The following RAB2A variants were observed in gnomAD, a reference collection of about 807,000 sequenced individuals.
The protein encoded by RAB2A is RAB2A, member RAS oncogene family, also known as ras-related protein Rab-2A.
Under a neutral mutation model 32.5 loss-of-function variants are expected in RAB2A, and 7 were observed. The ratio of observed to expected loss-of-function variants is 0.22; its 90% CI spans 0.12 to 0.40. The LOEUF (loss-of-function observed/expected upper bound fraction) is 0.40, where lower values mean the gene tolerates loss of function less well. Among genes scored for constraint, RAB2A ranks in the 10% least tolerant of loss-of-function variants. The pLI is 1.00. For synonymous variants in RAB2A, 79 were observed against 85.2 expected (o/e 0.93, Z 0.40); for missense variants, 108 against 260.7 (o/e 0.41, Z 4.03).
At chr8:60,517,746 T>G (rs929932801) in intron 1 of RAB2A, among the ~76,000 whole-genome samples, 9 of 152,118 alleles carry the variant, frequency 5.9e-5, no homozygotes, top group Admixed American at 5.9e-4. Flanking sequence ...CTTTTTGGCG[T>G]GGGACAGGCA....
chr8:60,531,595 G>T (rs1263639473), intron 1 of RAB2A, among the ~76,000 whole-genome samples: 2 of 152,100 alleles, frequency 1.3e-5, no homozygotes, highest in Non-Finnish European at 2.9e-5. Context: ...ATAGAAAAAA[G>T]CTGTTCACTG....
chr8:60,532,433 C>G (rs549878559), intron 1 of RAB2A, among the ~76,000 whole-genome samples: 2 of 152,254 alleles, frequency 1.3e-5, no homozygotes, highest in South Asian at 4.2e-4. Flanking sequence ...CACCAGTCCT[C>G]TATGTAAAGG....
rs759121999 is a variant in RAB2A, at chr8:60,591,833, G to A, written c.363-25G>A. ...TGTTTGTACCATGTTGATTAGTAATGTGACCCTTTCTTTCCCATGTTTAGT... is the reference window on the plus strand; with the variant it reads ...TGTTTGTACCATGTTGATTAGTAATATGACCCTTTCTTTCCCATGTTTAGT... On this transcript the variant is annotated intron_variant, in intron 5 of 7. Transcript: ENST00000262646. 5.6e-6 allele frequency: 8 copies of A among 1,439,010 alleles called. No individual in the cohort carries two copies. In the South Asian group the frequency reaches 9.2e-5, roughly 17 times the overall value. The allele number at this position is 1,439,010 out of a possible 1,614,324, so 89.1% of individuals were successfully genotyped here.
intron 5 of RAB2A, 156 bp from the exon 6 acceptor site, chr8:60,591,702 C>T (rs552403339): frequency 4.5e-4 from 230 of 515,912 alleles, no homozygotes; most frequent in African/African-American, 3.7e-3. Context: ...GTTCTAAATA[C>T]TAACCCTCAT....
rs543051805 is a variant in RAB2A, at chr8:60,595,038, A to C, written c.474+3069A>C. Among the ~76,000 whole-genome samples the C allele has an allele frequency of 4.6e-5, 7 of 152,368 alleles. No individual in the cohort carries two copies. The South Asian group carries it at 1.4e-3, about 32-fold the overall frequency. ...AAAAAAGAATTAGCAATGAAGGTGC[A>C]ATCAAGACATTCTTAGAGAAGGAAA... On this transcript the variant is annotated intron_variant, in intron 6 of 7. Coordinates refer to ENST00000262646, the MANE Select transcript of RAB2A (RefSeq NM_002865.3).
intron 1 of RAB2A, chr8:60,552,543 A>G (rs915817653): frequency 6.6e-6 from 1 of 152,218 alleles, no homozygotes; most frequent in Non-Finnish European, 1.5e-5. Flanking sequence ...CTAAACAGAT[A>G]CTCAGATGTT....
At chr8:60,526,057 A>ATATATATATATATATATATAT (rs57164591) in intron 1 of RAB2A, among the ~76,000 whole-genome samples, 6 of 93,798 alleles carry the variant, frequency 6.4e-5, no homozygotes, top group Non-Finnish European at 8.9e-5. Flanking sequence ...ATATATATAT[A>ATATATATATATATATATATAT]AGTTTTCTGT....
chr8:60,563,445 G>A (rs1343822109), intron 2 of RAB2A, among the ~76,000 whole-genome samples: 3 of 152,156 alleles, frequency 2.0e-5, no homozygotes, highest in African/African-American at 7.2e-5. Context: ...GGATCGCCAA[G>A]TGATTCATAT....
chr8:60,540,229 C>T (rs1464996736), intron 1 of RAB2A, among the ~76,000 whole-genome samples: 3 of 150,084 alleles, frequency 2.0e-5, no homozygotes, highest in Non-Finnish European at 3.0e-5. Context: ...TGCAGTCATA[C>T]GTAGAATAGA....
In RAB2A at chr8:60,599,460, G is replaced by A. The variant is rs1413972455; in HGVS notation, c.474+7491G>A. Among the ~76,000 whole-genome samples the A allele has an allele frequency of 3.3e-5, 5 of 152,236 alleles. No homozygotes were observed. The East Asian group carries it at 9.6e-4, about 29-fold the overall frequency. ...ATTATAAAATATATATGGAAAGGCAGAAGAACTAAAGTAGCTGACACAGCT... is the reference window on the plus strand; with the variant it reads ...ATTATAAAATATATATGGAAAGGCAAAAGAACTAAAGTAGCTGACACAGCT... On this transcript the variant is annotated intron_variant, in intron 6 of 7. Transcript: ENST00000262646.
At chr8:60,578,864 G>A (rs1169272365) in intron 3 of RAB2A, among the ~76,000 whole-genome samples, 1 of 152,150 alleles carries the variant, frequency 6.6e-6, no homozygotes, top group Non-Finnish European at 1.5e-5. Context: ...GATCAATTTT[G>A]ATTTAGCAAT....
chr8:60,539,334 G>A (rs1586068922), intron 1 of RAB2A, among the ~76,000 whole-genome samples: 1 of 152,142 alleles, frequency 6.6e-6, no homozygotes, highest in Non-Finnish European at 1.5e-5. Context: ...ACTGGGAAAG[G>A]AAAAAGAAGT....
At chr8:60,536,275 A>G (rs1356556239) in intron 1 of RAB2A, among the ~76,000 whole-genome samples, 1 of 151,754 alleles carries the variant, frequency 6.6e-6, no homozygotes, top group African/African-American at 2.4e-5. Flanking sequence ...TGTTACTGTT[A>G]ATACATTATT....
intron 6 of RAB2A, among the ~76,000 whole-genome samples, chr8:60,596,071 G>A (rs1282941402): frequency 6.6e-6 from 1 of 152,158 alleles, no homozygotes; most frequent in East Asian, 1.9e-4. Flanking sequence ...AGTGTTACGA[G>A]AGGGAAATGT....
At chr8:60,567,453 G>A (rs1808132749) in intron 2 of RAB2A, among the ~76,000 whole-genome samples, 1 of 152,072 alleles carries the variant, frequency 6.6e-6, no homozygotes, top group Admixed American at 6.6e-5. Context: ...ATACCAATTG[G>A]TGTTCTTTCT....
At chr8:60,532,095 G>A (rs118012477) in intron 1 of RAB2A, among the ~76,000 whole-genome samples, 16 of 152,158 alleles carry the variant, frequency 1.1e-4, no homozygotes, top group Non-Finnish European at 2.1e-4. Context: ...ATGAGCCACC[G>A]TGCCCAGCCT....
intron 1 of RAB2A, among the ~76,000 whole-genome samples, chr8:60,546,563 T>C (rs771748958): frequency 2.0e-5 from 3 of 152,242 alleles, no homozygotes; most frequent in Non-Finnish European, 2.9e-5. Flanking sequence ...TAGAGGAAAC[T>C]TCAAGTGAAG....
chr8:60,565,094 T>C (rs959788853), intron 2 of RAB2A, among the ~76,000 whole-genome samples: 1 of 152,216 alleles, frequency 6.6e-6, no homozygotes, highest in Admixed American at 6.5e-5. Flanking sequence ...GATTTCACCT[T>C]CTTACCTATC....
At chr8:60,524,338 C>G (rs923722217) in intron 1 of RAB2A, among the ~76,000 whole-genome samples, 4 of 152,084 alleles carry the variant, frequency 2.6e-5, no homozygotes, top group Non-Finnish European at 5.9e-5. Flanking sequence ...GCCATCTCAG[C>G]TGTTTTTCCC....
Sources: allele counts gnomAD v4.1 joint callset (sites outside exome capture counted in the v4.1 genomes callset), GRCh38; gene constraint gnomAD v4.1.1; transcripts MANE v1.5; gene names NCBI Gene and HGNC (gene_info 2026-07-23, HGNC 2026-07-21).